Variants in WDR91 observed in about 807,000 individuals in gnomAD.
The protein encoded by WDR91 is WD repeat domain 91.
A neutral mutation model predicts 88.4 loss-of-function variants in WDR91; 52 were observed. The ratio of observed to expected loss-of-function variants is 0.59; its 90% CI spans 0.47 to 0.74. The LOEUF (loss-of-function observed/expected upper bound fraction) is 0.74, where lower values mean the gene tolerates loss of function less well. Among genes scored for constraint, WDR91 ranks in the 30% least tolerant of loss-of-function variants. The pLI, the probability that WDR91 is intolerant of heterozygous loss-of-function variation, is 0.00. For synonymous variants in WDR91, 362 were observed against 389.5 expected, an observed-to-expected ratio of 0.93 and a Z score of 0.83; for missense variants, 824 against 954.5, an observed-to-expected ratio of 0.86 and a Z score of 1.80.
At chr7:135,211,220 A>T (rs2117740026) in intron 1 of WDR91, among the ~76,000 whole-genome samples, 160 bp downstream of exon 1, 1 of 152,330 alleles carries the variant, frequency 6.6e-6, no homozygotes, top group East Asian at 1.9e-4. Flanking sequence ...TGAGGGTCTC[A>T]GTTCCTCATC....
At chr7:135,192,059 T>G (rs1831184442) in intron 11 of WDR91, among the ~76,000 whole-genome samples, 1 of 151,170 alleles carries the variant, frequency 6.6e-6, no homozygotes, top group Admixed American at 6.6e-5. Context: ...ACTGACTGTG[T>G]GAGCAGAGGG....
intron 5 of WDR91, among the ~76,000 whole-genome samples, 181 bp downstream of exon 5, chr7:135,205,747 G>A (rs946633022): frequency 4.6e-5 from 7 of 152,162 alleles, no homozygotes; most frequent in African/African-American, 1.4e-4. Flanking sequence ...GCGACAGAGC[G>A]AGACTCCATC....
intron 1 of WDR91, among the ~76,000 whole-genome samples, chr7:135,210,639 A>G (rs1429316724): frequency 1.3e-5 from 2 of 152,220 alleles, no homozygotes; most frequent in Non-Finnish European, 1.5e-5. Context: ...CAATGCCCCT[A>G]GTTTATAGAT....
chr7:135,198,885 T>C (rs1831470657), intron 6 of WDR91: 1 of 152,144 alleles, frequency 6.6e-6, no homozygotes, highest in Non-Finnish European at 1.5e-5. Flanking sequence ...ATCTAGAAAC[T>C]CTTAAAAGGA....
chr7:135,193,532 C>T (rs751371379), intron 10 of WDR91, 46 bp downstream of exon 10: 9 of 1,612,846 alleles, frequency 5.6e-6, no homozygotes, highest in South Asian at 3.3e-5. Context: ...GCGGACCACA[C>T]TTGGCAGCCT....
chr7:135,209,528 A>C, intron 2 of WDR91, 48 bp downstream of exon 2: 1 of 1,478,234 alleles, frequency 6.8e-7, no homozygotes, highest in Non-Finnish European at 9.0e-7. Context: ...TTTGGGATCA[A>C]AGAGCTCCTT....
At chr7:135,186,341 A>T in intron 14 of WDR91, 26 bp from the exon 15 acceptor site, 1 of 1,605,232 alleles carries the variant, frequency 6.2e-7, no homozygotes, top group Admixed American at 1.7e-5. Context: ...AAAGAGGAGG[A>T]GGTGTCAGCA....
chr7:135,198,279 G>A (rs2117674359), intron 6 of WDR91, 128 bp from the exon 7 acceptor site: 2 of 1,113,292 alleles, frequency 1.8e-6, no homozygotes, highest in Non-Finnish European at 1.2e-6. Context: ...AATGGTGTTG[G>A]CTCAGCTATG....
intron 8 of WDR91, among the ~76,000 whole-genome samples, chr7:135,195,551 A>G (rs1486279395): frequency 6.6e-6 from 1 of 152,266 alleles, no homozygotes; most frequent in African/African-American, 2.4e-5. Context: ...CAAATCAGGT[A>G]TTTACCTAAA....
At chr7:135,205,450 A>C (rs1281324942) in intron 5 of WDR91, among the ~76,000 whole-genome samples, 2 of 152,038 alleles carry the variant, frequency 1.3e-5, no homozygotes, top group Non-Finnish European at 1.5e-5. Flanking sequence ...GGCCATGGGG[A>C]CCTTACTCAT....
At chr7:135,190,810 T>C (rs1004309947) in intron 11 of WDR91, among the ~76,000 whole-genome samples, 1 of 152,054 alleles carries the variant, frequency 6.6e-6, no homozygotes, top group African/African-American at 2.4e-5. Flanking sequence ...GAAACTATTA[T>C]CAAGAATGCA....
chr7:135,188,023 C>T (rs918944108), intron 13 of WDR91, among the ~76,000 whole-genome samples: 2 of 152,048 alleles, frequency 1.3e-5, no homozygotes, highest in Non-Finnish European at 2.9e-5. Context: ...TGTACTTTTC[C>T]TTTTTTTCTG....
In WDR91 at chr7:135,194,951, T is replaced by G. The variant is rs745924675; in HGVS notation, c.1378A>C (p.Thr460Pro). 1 of 1,614,008 alleles carries G rather than the reference T, an allele frequency of 6.2e-7. No individual in the cohort carries two copies. The highest frequency in any genetic ancestry group is 8.5e-7 in the Non-Finnish European group (1 of 1,180,024). Residue 460 changes from threonine (T) to proline (P), a missense_variant, in exon 9 of 15, where the codon ACC (threonine) becomes CCC (proline). Physicochemically the swap from Thr to Pro is conservative, Grantham distance 38 (BLOSUM62 -1). Coordinates refer to ENST00000354475, the MANE Select transcript of WDR91 (RefSeq NM_014149.4). ...TTACTCACCAGTCTGTCCCGTTTGG[T>G]GGCCCATTCCAAAGACAGCAGCGGT... ...KSPLLSLEWA[T>P]KRDRLLLLGS...
At chr7:135,191,019 A>G (rs956618804) in intron 11 of WDR91, among the ~76,000 whole-genome samples, 1 of 152,244 alleles carries the variant, frequency 6.6e-6, no homozygotes, top group African/African-American at 2.4e-5. Context: ...TTCAAAAGTT[A>G]AGAACCAGAA....
chr7:135,210,923 G>T, intron 1 of WDR91: 1 of 703,636 alleles, frequency 1.4e-6, no homozygotes, highest in Non-Finnish European at 2.6e-6. Flanking sequence ...CAAAATTGCC[G>T]ATGAGTCCCT....
chr7:135,210,211 G>A (rs1296098449), intron 1 of WDR91, among the ~76,000 whole-genome samples: 3 of 152,146 alleles, frequency 2.0e-5, no homozygotes, highest in East Asian at 1.9e-4. Flanking sequence ...TTAGCTGGAC[G>A]TGGTGGCACG....
At position 135,204,395 on chromosome 7, in the gene WDR91, T is replaced by G; in HGVS notation, c.764A>C (p.Gln255Pro). ...VCSQRNASLS[Q>P]SPRVGFLSSL... ...GGACAGGAAGCCCACACGAGGTGAC[T>G]GGGAGAGGGAGGCATTCCTTTGGCT... The change falls in exon 6 of 15, where the codon CAG (glutamine) becomes CCG (proline). Residue 255 changes from glutamine to proline, a missense_variant. Gln to Pro is a moderately conservative substitution (Grantham distance 76). Coordinates refer to ENST00000354475, the MANE Select transcript of WDR91 (RefSeq NM_014149.4). The G allele has an allele frequency of 1.2e-6, 2 of 1,614,140 alleles. No individual in the cohort carries two copies. Among genetic ancestry groups the G allele is most frequent in the Non-Finnish European group, 1.7e-6 (2 of 1,180,022 alleles).
rs904055305 is a variant in WDR91, at chr7:135,207,162, C to A, written c.552G>T (p.Arg184Ser). 2 of 1,608,460 alleles carry A rather than the reference C, an allele frequency of 1.2e-6. No homozygotes were observed. Among genetic ancestry groups the A allele is most frequent in the South Asian group, 1.1e-5 (1 of 90,968 alleles). ...CATTTTCTTCTTGAACCTGGTTAGT[C>A]CTCTGACACTCCGCATCAAAGTTCA... ...VILNFDAECQRTNQVQEENEV... is the reference protein window; with the variant it reads ...VILNFDAECQSTNQVQEENEV... Residue 184 changes from arginine (R) to serine (S), a missense_variant, in exon 4 of 15, where the codon AGG becomes AGT. Coordinates refer to ENST00000354475, the MANE Select transcript of WDR91 (RefSeq NM_014149.4).
rs1291478907 is a variant in WDR91, at chr7:135,187,221, G to A, written c.1882-52C>T. On this transcript the variant is annotated intron_variant, in intron 13 of 14. Transcript: ENST00000354475. ...GCTCGCAGCGGAGCTGGCCAATGCA[G>A]GCCTCAAGGAAGAGCCAGGACCCAC... The A allele has an allele frequency of 1.9e-6, 3 of 1,595,844 alleles. No homozygotes were observed. In the African/African-American group the frequency reaches 4.0e-5, roughly 21 times the overall value.
Sources: allele counts gnomAD v4.1 joint callset (sites outside exome capture counted in the v4.1 genomes callset), GRCh38; gene constraint gnomAD v4.1.1; transcripts MANE v1.5; gene names NCBI Gene and HGNC (gene_info 2026-07-23, HGNC 2026-07-21).